Variants in RIT2 observed in about 807,000 individuals in gnomAD.
The protein encoded by RIT2 is GTP-binding protein Rit2.
In RIT2, 24 loss-of-function variants were observed where a neutral mutation model predicts 23.7. The ratio of observed to expected loss-of-function variants is 1.01; its 90% CI spans 0.73 to 1.43. RIT2 has a LOEUF of 1.43. Among genes scored for constraint, RIT2 ranks in the 40% most tolerant of loss-of-function variants. RIT2 has a pLI of 0.00. For missense variants in RIT2, 236 were observed against 266.9 expected (o/e 0.88, Z 0.81); for synonymous variants, 107 against 91.1 (o/e 1.17, Z -0.99).
chr18:42,863,032 G>GCT (rs796901329), intron 4 of RIT2, among the ~76,000 whole-genome samples: 1 of 143,910 alleles, frequency 6.9e-6, no homozygotes, highest in East Asian at 2.0e-4. Context: ...CATGCCTCCT[G>GCT]TTTTTTTTTT....
At chr18:42,974,864 T>C (rs1206863936) in intron 2 of RIT2, among the ~76,000 whole-genome samples, 1 of 152,066 alleles carries the variant, frequency 6.6e-6, no homozygotes, top group African/African-American at 2.4e-5. Context: ...GACTTCTACA[T>C]TGAAAATGGT....
At chr18:43,088,691 G>C (rs143122843) in intron 1 of RIT2, among the ~76,000 whole-genome samples, 16 of 152,150 alleles carry the variant, frequency 1.1e-4, no homozygotes, top group Non-Finnish European at 1.5e-4. Flanking sequence ...CATTTGGTCT[G>C]ACATATTTAT....
intron 1 of RIT2, among the ~76,000 whole-genome samples, chr18:43,080,811 A>G (rs1367794066): frequency 6.6e-6 from 1 of 152,178 alleles, no homozygotes; most frequent in African/African-American, 2.4e-5. Context: ...TTGCTCTAAG[A>G]ACAACTTTTA....
intron 4 of RIT2, among the ~76,000 whole-genome samples, chr18:42,745,615 G>A (rs1197561100): frequency 1.3e-5 from 2 of 150,714 alleles, no homozygotes; most frequent in South Asian, 4.3e-4. Context: ...ATTTTTTTTA[G>A]CTCATTTCTA....
chr18:42,901,591 T>C (rs915357860), intron 4 of RIT2, among the ~76,000 whole-genome samples: 3 of 152,016 alleles, frequency 2.0e-5, no homozygotes, highest in Non-Finnish European at 4.4e-5. Flanking sequence ...TTAATGAATA[T>C]GATATTTTGA....
intron 4 of RIT2, among the ~76,000 whole-genome samples, chr18:42,753,519 G>A (rs1464602888): frequency 1.3e-5 from 2 of 152,136 alleles, no homozygotes; most frequent in African/African-American, 4.8e-5. Context: ...AAAATGCTTA[G>A]TGCATACAGC....
At chr18:42,759,630 C>T (rs1261598478) in intron 4 of RIT2, among the ~76,000 whole-genome samples, 1 of 151,372 alleles carries the variant, frequency 6.6e-6, no homozygotes, top group Non-Finnish European at 1.5e-5. Flanking sequence ...GGATTAGAGG[C>T]TGCTGCCATT....
intron 4 of RIT2, among the ~76,000 whole-genome samples, chr18:42,918,428 A>G (rs1040544545): frequency 6.6e-6 from 1 of 152,160 alleles, no homozygotes; most frequent in Non-Finnish European, 1.5e-5. Context: ...AATAAAGCTA[A>G]TTAATTGTTA....
chr18:43,020,477 C>G (rs1911570895), intron 2 of RIT2, among the ~76,000 whole-genome samples: 2 of 151,920 alleles, frequency 1.3e-5, no homozygotes, highest in Admixed American at 1.3e-4. Context: ...CAGAGTGAGA[C>G]TCTGTCTAAA....
intron 1 of RIT2, among the ~76,000 whole-genome samples, chr18:43,048,845 C>A (rs190798037): frequency 1.3e-5 from 2 of 152,118 alleles, no homozygotes; most frequent in East Asian, 3.9e-4. Flanking sequence ...ATGAATACAC[C>A]TTGTTTGATG....
chr18:42,844,747 A>T (rs1906862191), intron 4 of RIT2, among the ~76,000 whole-genome samples: 1 of 152,100 alleles, frequency 6.6e-6, no homozygotes, highest in Admixed American at 6.6e-5. Flanking sequence ...CAATCAGGAG[A>T]GGGTGGGCAA....
At chr18:42,752,925 A>C (rs1913080155) in intron 4 of RIT2, among the ~76,000 whole-genome samples, 1 of 152,162 alleles carries the variant, frequency 6.6e-6, no homozygotes, top group Non-Finnish European at 1.5e-5. Flanking sequence ...GAATAAAGAA[A>C]AATGTTTCAT....
intron 3 of RIT2, among the ~76,000 whole-genome samples, chr18:42,938,746 T>C (rs1382816605): frequency 2.0e-5 from 3 of 152,072 alleles, no homozygotes; most frequent in Non-Finnish European, 4.4e-5. Context: ...CATAATACAC[T>C]ACTTTTTTAA....
At chr18:43,023,045 G>A (rs1377225487) in intron 2 of RIT2, among the ~76,000 whole-genome samples, 1 of 152,002 alleles carries the variant, frequency 6.6e-6, no homozygotes, top group Non-Finnish European at 1.5e-5. Flanking sequence ...GATGTGTTAT[G>A]CATTCTTAGT....
chr18:42,903,856 G>A (rs537575031), intron 4 of RIT2, among the ~76,000 whole-genome samples: 1 of 152,174 alleles, frequency 6.6e-6, no homozygotes, highest in East Asian at 1.9e-4. Flanking sequence ...AAGTGAAAAA[G>A]CAAGCAAATC....
intron 3 of RIT2, among the ~76,000 whole-genome samples, chr18:42,940,098 C>T (rs1265543975): frequency 2.0e-5 from 3 of 151,172 alleles, no homozygotes; most frequent in Admixed American, 2.0e-4. Flanking sequence ...ATTTTATGCC[C>T]CCATGCATTT....
At chr18:43,084,143 A>G (rs1320756026) in intron 1 of RIT2, among the ~76,000 whole-genome samples, 2 of 152,230 alleles carry the variant, frequency 1.3e-5, no homozygotes, top group Non-Finnish European at 2.9e-5. Context: ...AAAGCTCATC[A>G]TCACTGGTCA....
chr18:42,847,205 C>T (rs1906933746), intron 4 of RIT2, among the ~76,000 whole-genome samples: 2 of 151,948 alleles, frequency 1.3e-5, no homozygotes, highest in Admixed American at 1.3e-4. Flanking sequence ...GGGTATTAAA[C>T]AAAGAAAAAT....
intron 3 of RIT2, among the ~76,000 whole-genome samples, chr18:42,949,516 A>C (rs983418566): frequency 6.6e-6 from 1 of 152,162 alleles, no homozygotes; most frequent in African/African-American, 2.4e-5. Context: ...ATTGCTGGGC[A>C]GATAACCTTG....
Sources: gnomAD v4.1 joint callset for allele counts (sites outside exome capture counted in the v4.1 genomes callset) on GRCh38, gnomAD v4.1.1 for gene constraint, MANE v1.5 for transcripts, NCBI Gene and HGNC (gene_info 2026-07-23, HGNC 2026-07-21) for gene names.